MAPK6: variants seen among roughly 807,000 people sequenced by gnomAD.
The protein encoded by MAPK6 is mitogen-activated protein kinase 6.
MAPK6 carries 19 observed loss-of-function variants against 59.3 expected under a neutral mutation model. The ratio of observed to expected loss-of-function variants is 0.32; its 90% confidence interval spans 0.22 to 0.47. The LOEUF (loss-of-function observed/expected upper bound fraction) is 0.47. Ranked by LOEUF, MAPK6 falls within the 20% of genes least tolerant of loss-of-function variation. MAPK6 has a pLI of 1.00. For missense variants in MAPK6, 724 were observed against 847.9 expected (o/e 0.85, Z 1.81); for synonymous variants, 316 against 290.3 (o/e 1.09, Z -0.90).
chr15:51,979,621 C>T (rs942215438), intron 1 of MAPK6, among the ~76,000 whole-genome samples: 3 of 151,456 alleles, frequency 2.0e-5, no homozygotes, highest in African/African-American at 7.3e-5. Flanking sequence ...GGCGAAACCC[C>T]ATCACTACGA....
Position 52,061,465 on chromosome 15 carries a change from G to C in MAPK6, c.1032G>C (p.Met344Ile). Residue 344 changes from methionine to isoleucine, a missense_variant, in exon 5 of 6, where the codon ATG (methionine) becomes ATC (isoleucine). By Grantham distance (10) the Met-to-Ile change is conservative. This residue lies in a region of MAPK6 where 502 missense variants were observed against 507.6 expected (regional missense o/e 0.99). Transcript: ENST00000261845. Reference sequence around the variant, plus strand: ...ATGAAGTTGATGATATTTTGCTTATGGATGAAACTCACAGTCACATTTATA... The same window carrying C: ...ATGAAGTTGATGATATTTTGCTTATCGATGAAACTCACAGTCACATTTATA... The part of the protein sequence containing the change: ...IEDEVDDILL[M>I]DETHSHIYNW... 3.1e-6 allele frequency: 5 copies of C among 1,613,444 alleles called. No homozygotes were observed. The highest frequency in any genetic ancestry group is 4.2e-6 in the Non-Finnish European group (5 of 1,179,552).
chr15:52,033,890 T>C (rs2031139750), intron 1 of MAPK6: 1 of 152,076 alleles, frequency 6.6e-6, no homozygotes, highest in Admixed American at 6.5e-5. Context: ...TCATTGTTTC[T>C]AGTGATAAAT....
intron 2 of MAPK6, among the ~76,000 whole-genome samples, chr15:51,984,390 T>G (rs957590454): frequency 2.7e-5 from 4 of 148,852 alleles, no homozygotes. Context: ...CACGCCATTC[T>G]CCTGCCTCAG....
Position 52,046,296 on chromosome 15 carries a change from C to T in MAPK6, c.-165C>T, listed in dbSNP as rs2031591174. The T allele has an allele frequency of 1.7e-6, 1 of 590,226 alleles. No individual in the cohort carries two copies. 36.6% of individuals were successfully genotyped at this position (590,226 alleles called of 1,614,324 possible). On this transcript the variant is annotated 5_prime_UTR_variant, in exon 2 of 6. Transcript: ENST00000261845. ...AGCTTTAAATCTAAGGGGAACTCGACAGGCCTGTTTGGCATATGCAATGAA... is the reference window on the plus strand; with the variant it reads ...AGCTTTAAATCTAAGGGGAACTCGATAGGCCTGTTTGGCATATGCAATGAA...
chr15:51,976,591 A>G (rs1595955264), intron 1 of MAPK6, among the ~76,000 whole-genome samples: 1 of 151,964 alleles, frequency 6.6e-6, no homozygotes, highest in East Asian at 1.9e-4. Context: ...ATCTGGAATT[A>G]AAATGTTGTC....
At chr15:52,055,606 C>A (rs2031948053) in intron 3 of MAPK6, among the ~76,000 whole-genome samples, 2 of 152,162 alleles carry the variant, frequency 1.3e-5, no homozygotes, top group Non-Finnish European at 2.9e-5. Flanking sequence ...ACCTCCTCCT[C>A]CCGGGTTCAA....
chr15:51,987,762 C>CTTTTTTTTTT (rs775968493), intron 2 of MAPK6, among the ~76,000 whole-genome samples: 1 of 125,496 alleles, frequency 8.0e-6, no homozygotes, highest in African/African-American at 3.4e-5. Flanking sequence ...GCTCATAGTA[C>CTTTTTTTTTT]TTTTTTTTTT....
At chr15:51,972,290 C>T (rs1302455128) in intron 1 of MAPK6, among the ~76,000 whole-genome samples, 2 of 152,072 alleles carry the variant, frequency 1.3e-5, no homozygotes, top group African/African-American at 4.8e-5. Context: ...AGGCGCCCGC[C>T]ACCACACCCG....
chr15:51,985,519 G>A (rs1303015721), intron 2 of MAPK6, among the ~76,000 whole-genome samples: 2 of 151,786 alleles, frequency 1.3e-5, no homozygotes, highest in Non-Finnish European at 2.9e-5. Flanking sequence ...GCTGGGTGTG[G>A]TGGCGCATGC....
At chr15:51,992,132 A>G (rs1223998608) in intron 2 of MAPK6, among the ~76,000 whole-genome samples, 1 of 151,314 alleles carries the variant, frequency 6.6e-6, no homozygotes, top group African/African-American at 2.4e-5. Flanking sequence ...CGTTGTTTGT[A>G]TTTTTTGTAG....
chr15:52,009,988 G>C (rs2030007830), intron 3 of MAPK6, among the ~76,000 whole-genome samples: 1 of 152,080 alleles, frequency 6.6e-6, no homozygotes, highest in Non-Finnish European at 1.5e-5. Context: ...GGCCAGGCTG[G>C]TCTCAAACTC....
intron 3 of MAPK6, among the ~76,000 whole-genome samples, chr15:52,013,002 AAAAAAAAAAAAAAAAAAAATAT>A (rs1189947054): frequency 5.7e-3 from 94 of 16,378 alleles, no homozygotes; most frequent in Middle Eastern, 0.036. Flanking sequence ...AAAAAAAAAA[AAAAAAAAAAAAAAAAAAAATAT>A]ATATATATAT....
intron 1 of MAPK6, among the ~76,000 whole-genome samples, chr15:52,039,949 T>C (rs2031366269): frequency 1.3e-5 from 2 of 152,322 alleles, no homozygotes; most frequent in South Asian, 4.1e-4. Flanking sequence ...AGGTCCCATG[T>C]CTTTTCCCAG....
chr15:51,993,072 TA>T (rs1423254366), intron 2 of MAPK6, among the ~76,000 whole-genome samples: 1 of 152,178 alleles, frequency 6.6e-6, no homozygotes, highest in Non-Finnish European at 1.5e-5. Context: ...GTAAAATTTC[TA>T]ACCCTCCAAT....
At position 52,031,196 on chromosome 15, in the gene MAPK6, G is replaced by A. The variant is rs560073965; in HGVS notation, c.-632+11820G>A. ...GATCCGCCCACCTTGTCCTCCCAAT[G>A]TGCCGGGACTACAGGTGTGAGCCAC... On this transcript the variant is annotated intron_variant, in intron 1 of 5. Coordinates refer to ENST00000261845, the MANE Select transcript of MAPK6 (RefSeq NM_002748.4). Among the ~76,000 whole-genome samples the A allele has an allele frequency of 1.4e-4, 21 of 152,158 alleles. No individual in the cohort carries two copies. In the East Asian group the frequency reaches 3.9e-3, roughly 28 times the overall value.
intron 4 of MAPK6, among the ~76,000 whole-genome samples, chr15:52,060,032 T>C (rs1339863176): frequency 6.6e-6 from 1 of 152,162 alleles, no homozygotes; most frequent in Non-Finnish European, 1.5e-5. Context: ...CTCTGGTTAA[T>C]TTCCCTCTAT....
In MAPK6 at chr15:52,027,778, TTTA is replaced by T. The variant is rs1566903989; in HGVS notation, c.-632+8403_-632+8405del. 5.1e-4 allele frequency: 74 copies of T among 145,188 alleles called. 1 individual carries two copies. Among genetic ancestry groups the T allele is most frequent in the Middle Eastern group, 3.5e-3 (1 of 288 alleles). The allele number at this position is 145,188 out of a possible 1,614,324, so 9.0% of individuals were successfully genotyped here. Reference sequence around the variant, plus strand: ...ATTTATTTATTTATTTATTTATTTATTTACTGTTTTTTGAGATGGAGTCTCACT... The same window carrying T: ...ATTTATTTATTTATTTATTTATTTATCTGTTTTTTGAGATGGAGTCTCACT... On this transcript the variant is annotated intron_variant, in intron 1 of 5. Transcript: ENST00000261845.
chr15:52,063,442 T>C (rs2032284618), intron 5 of MAPK6, among the ~76,000 whole-genome samples: 1 of 152,232 alleles, frequency 6.6e-6, no homozygotes. Flanking sequence ...AGTAATAGGA[T>C]AGCGCATTCA....
intron 1 of MAPK6, among the ~76,000 whole-genome samples, chr15:51,972,421 G>A (rs1040758929): frequency 6.6e-6 from 1 of 151,704 alleles, no homozygotes; most frequent in Non-Finnish European, 1.5e-5. Context: ...TTACAGGTAC[G>A]GGTATTGATA....
Sources: allele counts gnomAD v4.1 joint callset (sites outside exome capture counted in the v4.1 genomes callset), GRCh38; gene constraint gnomAD v4.1.1; regional missense constraint gnomAD v4.1.1; transcripts MANE v1.5; gene names NCBI Gene and HGNC (gene_info 2026-07-23, HGNC 2026-07-21).